CCNYL1: variants seen among roughly 807,000 people sequenced by gnomAD.
CCNYL1 encodes the protein cyclin Y like 1, also known as cyclin-Y-like protein 1.
A neutral mutation model predicts 44.2 loss-of-function variants in CCNYL1; 16 were observed. That is an observed-to-expected ratio of 0.36 (90% CI 0.25 to 0.55). The LOEUF (loss-of-function observed/expected upper bound fraction) is 0.55. Ranked by LOEUF, CCNYL1 falls within the 20% of genes least tolerant of loss-of-function variation. The pLI is 0.85. For missense variants in CCNYL1, 348 were observed against 451.8 expected, an observed-to-expected ratio of 0.77 and a Z score of 2.08; for synonymous variants, 159 against 163.2, an observed-to-expected ratio of 0.97 and a Z score of 0.20.
intron 2 of CCNYL1, among the ~76,000 whole-genome samples, 190 bp downstream of exon 2, chr2:207,725,064 A>G (rs1187578287): frequency 6.7e-6 from 1 of 149,582 alleles, no homozygotes; most frequent in African/African-American, 2.5e-5. Context: ...ATGTAGACCT[A>G]TTTACAGGTT....
At position 207,753,874 on chromosome 2, in the gene CCNYL1, G is replaced by T; in HGVS notation, c.*176G>T. ...ACTCCACAGGAAAGAATGGGACCTT[G>T]TCAATGCAACAAAACACTCTTCTGT... On this transcript the variant is annotated 3_prime_UTR_variant, in exon 10 of 10. Coordinates refer to ENST00000295414, the MANE Select transcript of CCNYL1 (RefSeq NM_001330218.2). 1 of 520,022 alleles carries T rather than the reference G, an allele frequency of 1.9e-6. No homozygotes were observed. Among genetic ancestry groups the T allele is most frequent in the Non-Finnish European group, 3.4e-6 (1 of 292,274 alleles). The allele number at this position is 520,022 out of a possible 1,614,324, so 32.2% of individuals were successfully genotyped here. A position where few individuals can be genotyped will look rare whatever the true frequency, so the allele number is the denominator to read the frequency against.
chr2:207,746,929 C>G, intron 7 of CCNYL1, 118 bp from the exon 8 acceptor site: 1 of 744,626 alleles, frequency 1.3e-6, no homozygotes, highest in Non-Finnish European at 2.1e-6. Context: ...GAGCCGAGAT[C>G]GCACCATTGC....
chr2:207,714,016 T>C (rs536251896), intron 1 of CCNYL1, among the ~76,000 whole-genome samples: 12 of 152,178 alleles, frequency 7.9e-5, no homozygotes, highest in African/African-American at 2.9e-4. Flanking sequence ...GTACATGTAA[T>C]TTAGCCCTTC....
At chr2:207,738,173 T>C (rs1248991767) in intron 5 of CCNYL1, among the ~76,000 whole-genome samples, 1 of 152,194 alleles carries the variant, frequency 6.6e-6, no homozygotes, top group East Asian at 1.9e-4. Context: ...AAAAGGTATA[T>C]TTTTAAAGCT....
rs370279562 is a variant in CCNYL1 at position 207,737,599 on chromosome 2, G to T, written c.467+153G>T. Reference sequence around the variant, plus strand: ...TTGTGGTTTTTCTGGTCCCCAAGATGGTTTCAATTATTAAATTACTGAGGA... The same window carrying T: ...TTGTGGTTTTTCTGGTCCCCAAGATTGTTTCAATTATTAAATTACTGAGGA... On this transcript the variant is annotated intron_variant, in intron 5 of 9. Coordinates refer to ENST00000295414, the MANE Select transcript of CCNYL1 (RefSeq NM_001330218.2). Among the ~76,000 whole-genome samples, 129 of 151,794 alleles carry T rather than the reference G, an allele frequency of 8.5e-4. 1 individual carries two copies. In the South Asian group the frequency reaches 0.016, roughly 19 times the overall value.
intron 3 of CCNYL1, among the ~76,000 whole-genome samples, chr2:207,728,517 C>T (rs975051111): frequency 6.6e-6 from 1 of 152,030 alleles, no homozygotes; most frequent in Non-Finnish European, 1.5e-5. Context: ...CTCAAGCCAT[C>T]CACCTGCATC....
At chr2:207,716,152 T>C (rs1032325963) in intron 1 of CCNYL1, among the ~76,000 whole-genome samples, 1 of 152,204 alleles carries the variant, frequency 6.6e-6, no homozygotes, top group African/African-American at 2.4e-5. Context: ...TCTTGACTTT[T>C]CATGGAGCAT....
chr2:207,741,962 C>G (rs1046417589), intron 6 of CCNYL1, among the ~76,000 whole-genome samples: 5 of 151,660 alleles, frequency 3.3e-5, no homozygotes, highest in Admixed American at 1.3e-4. Flanking sequence ...ACCAGCCTGA[C>G]CAACATGTTG....
Position 207,719,028 on chromosome 2 carries a change from G to T in CCNYL1, c.221-5772G>T, listed in dbSNP as rs145077725. On this transcript the variant is annotated intron_variant, in intron 1 of 9. Transcript: ENST00000295414. ...TATGGAGTGATACCCAGATATCCAG[G>T]ATATGTTACATGAAAAAAAACAAGG... Among the ~76,000 whole-genome samples, 1,174 of 151,364 alleles carry T rather than the reference G, an allele frequency of 7.8e-3. 11 individuals carry two copies. The highest frequency in any genetic ancestry group is 0.026 in the African/African-American group (1,087 of 41,254).
chr2:207,722,382 A>G (rs1194562256), intron 1 of CCNYL1, among the ~76,000 whole-genome samples: 1 of 151,516 alleles, frequency 6.6e-6, no homozygotes, highest in African/African-American at 2.4e-5. Flanking sequence ...CGCCTTGGAT[A>G]TTTCTTATAT....
At position 207,733,808 on chromosome 2, in the gene CCNYL1, A is replaced by G. The variant is rs2091745812; in HGVS notation, c.331-139A>G. On this transcript the variant is annotated intron_variant, in intron 3 of 9. Coordinates refer to ENST00000295414, the MANE Select transcript of CCNYL1 (RefSeq NM_001330218.2). Reference sequence around the variant, plus strand: ...CACTGGGTTTCCCATAGAGCTGCACATGATACTACACTCAGGCAGTTCATG... The same window carrying G: ...CACTGGGTTTCCCATAGAGCTGCACGTGATACTACACTCAGGCAGTTCATG... 10 of 579,040 alleles carry G rather than the reference A, an allele frequency of 1.7e-5. No homozygotes were observed. In the South Asian group the frequency reaches 2.3e-4, roughly 14 times the overall value. The allele number at this position is 579,040 out of a possible 1,614,324, so 35.9% of individuals were successfully genotyped here. A position where few individuals can be genotyped will look rare whatever the true frequency, so the allele number is the denominator to read the frequency against.
chr2:207,732,008 C>T (rs1559168372), intron 3 of CCNYL1, among the ~76,000 whole-genome samples: 1 of 152,052 alleles, frequency 6.6e-6, no homozygotes, highest in African/African-American at 2.4e-5. Context: ...TAGGGTTTCT[C>T]CATGTTGGCC....
At chr2:207,724,706 C>G (rs2091666661) in intron 1 of CCNYL1, 94 bp from the exon 2 acceptor site, 1 of 890,220 alleles carries the variant, frequency 1.1e-6, no homozygotes, top group Non-Finnish European at 1.8e-6. Context: ...TCTCTGAAGA[C>G]TGTTAAAAGT....
chr2:207,741,910 G>T (rs1486693795), intron 6 of CCNYL1, among the ~76,000 whole-genome samples: 2 of 150,994 alleles, frequency 1.3e-5, no homozygotes, highest in Non-Finnish European at 2.9e-5. Context: ...CAGCACTTTG[G>T]GAGGCCAAGG....
chr2:207,742,481 G>A (rs1024704525), intron 7 of CCNYL1, 139 bp downstream of exon 7: 25 of 748,786 alleles, frequency 3.3e-5, no homozygotes, highest in African/African-American at 2.3e-4. Flanking sequence ...ACATAAATAC[G>A]TACATTCGCG....
chr2:207,747,331 A>G (rs1193250084), intron 8 of CCNYL1, 118 bp downstream of exon 8: 13 of 778,128 alleles, frequency 1.7e-5, no homozygotes, highest in Non-Finnish European at 2.4e-5. Context: ...GGAAATAGGC[A>G]TAAGACTATA....
At chr2:207,720,475 T>C (rs920109993) in intron 1 of CCNYL1, among the ~76,000 whole-genome samples, 1 of 151,828 alleles carries the variant, frequency 6.6e-6, no homozygotes, top group Admixed American at 6.6e-5. Flanking sequence ...GTAGTGCCAT[T>C]AGAGCTCACT....
intron 3 of CCNYL1, among the ~76,000 whole-genome samples, chr2:207,728,988 G>A (rs1226735869): frequency 2.0e-5 from 3 of 152,028 alleles, no homozygotes; most frequent in Non-Finnish European, 4.4e-5. Flanking sequence ...TAGTAAAGAA[G>A]GGATTTTACC....
At chr2:207,738,010 GT>G (rs879473980) in intron 5 of CCNYL1, among the ~76,000 whole-genome samples, 13 of 147,386 alleles carry the variant, frequency 8.8e-5, no homozygotes, top group Admixed American at 1.4e-4. Context: ...TTTGCAATTA[GT>G]TTTTTTTTTT....
Sources: gnomAD v4.1 joint callset for allele counts (sites outside exome capture counted in the v4.1 genomes callset) on GRCh38, gnomAD v4.1.1 for gene constraint, MANE v1.5 for transcripts, NCBI Gene and HGNC (gene_info 2026-07-23, HGNC 2026-07-21) for gene names.